The following GRID2 variants were observed in gnomAD, a reference collection of about 807,000 sequenced individuals.
GRID2 encodes the protein glutamate ionotropic receptor delta type subunit 2, also known as glutamate receptor ionotropic, delta-2.
GRID2 carries 33 observed loss-of-function variants against 114.8 expected under a neutral mutation model. That is an observed-to-expected ratio of 0.29 (90% CI 0.22 to 0.38). GRID2 has a LOEUF of 0.38. Among genes scored for constraint, GRID2 ranks in the 10% least tolerant of loss-of-function variants. GRID2 has a pLI of 1.00. For synonymous variants in GRID2, 505 were observed against 449.9 expected (o/e 1.12, Z -1.55); for missense variants, 1,184 against 1,257.7 (o/e 0.94, Z 0.89).
At chr4:92,350,082 C>G (rs1466533196) in intron 1 of GRID2, among the ~76,000 whole-genome samples, 1 of 151,904 alleles carries the variant, frequency 6.6e-6, no homozygotes, top group Non-Finnish European at 1.5e-5. Context: ...GACCGTAGGT[C>G]AGTGCTCACA....
intron 8 of GRID2, among the ~76,000 whole-genome samples, chr4:93,316,315 A>AGAAC (rs1440636644): frequency 6.2e-5 from 5 of 80,286 alleles, no homozygotes; most frequent in African/African-American, 2.0e-4. Flanking sequence ...AAAGAAAGAA[A>AGAAC]GAAAGAAAGA....
At chr4:92,825,202 G>A (rs1741601611) in intron 2 of GRID2, among the ~76,000 whole-genome samples, 2 of 152,142 alleles carry the variant, frequency 1.3e-5, no homozygotes, top group Admixed American at 6.6e-5. Flanking sequence ...GGTACAACTA[G>A]CCTAAAGAGA....
At chr4:92,663,193 T>C in intron 2 of GRID2, among the ~76,000 whole-genome samples, 1 of 150,968 alleles carries the variant, frequency 6.6e-6, no homozygotes, top group Admixed American at 6.6e-5. Context: ...TGGACAAAAA[T>C]ATGAAATGAC....
chr4:92,985,581 TTCTTCTCTCCCC>T (rs1236381395), intron 2 of GRID2, among the ~76,000 whole-genome samples: 1 of 152,130 alleles, frequency 6.6e-6, no homozygotes, highest in Non-Finnish European at 1.5e-5. Context: ...CTAGTCAACG[TTCTTCTCTCCCC>T]TCTTCTCTCC....
chr4:92,691,423 A>T (rs890456237), intron 2 of GRID2, among the ~76,000 whole-genome samples: 3 of 152,076 alleles, frequency 2.0e-5, no homozygotes, highest in Non-Finnish European at 4.4e-5. Flanking sequence ...GGGCCAGCAC[A>T]GTGGGAGACT....
Position 93,714,166 on chromosome 4 carries a change from A to G in GRID2, c.2361-55044A>G, listed in dbSNP as rs111776339. On this transcript the variant is annotated intron_variant, in intron 14 of 15. Coordinates refer to ENST00000282020, the MANE Select transcript of GRID2 (RefSeq NM_001510.4). The stretch of plus-strand genomic sequence containing the variant: ...CGTGCGTTCTCATTGTTCGGTTCCC[A>G]CATGTAAGTGAGAACATGTGGTGTT... 4.4e-3 allele frequency among the ~76,000 whole-genome samples: 666 copies of G among 151,860 alleles called. 6 individuals are homozygous for G. Among genetic ancestry groups the G allele is most frequent in the African/African-American group, 0.015 (607 of 41,396 alleles).
chr4:92,930,292 G>A (rs898798360), intron 2 of GRID2, among the ~76,000 whole-genome samples: 1 of 151,166 alleles, frequency 6.6e-6, no homozygotes, highest in African/African-American at 2.4e-5. Context: ...ATATCTGTGT[G>A]ATTAGGCATC....
intron 2 of GRID2, among the ~76,000 whole-genome samples, chr4:92,956,953 A>G (rs1373385293): frequency 6.6e-6 from 1 of 152,080 alleles, no homozygotes; most frequent in Non-Finnish European, 1.5e-5. Context: ...CCATCTGTAT[A>G]TCTTCTTTGG....
intron 2 of GRID2, among the ~76,000 whole-genome samples, chr4:92,817,117 C>T (rs1024532523): frequency 3.3e-5 from 5 of 152,110 alleles, no homozygotes; most frequent in Non-Finnish European, 7.4e-5. Flanking sequence ...TCACATCCAG[C>T]TGGCCACTAA....
chr4:93,362,311 G>C (rs1417537965), intron 8 of GRID2, among the ~76,000 whole-genome samples: 2 of 151,896 alleles, frequency 1.3e-5, no homozygotes, highest in Non-Finnish European at 2.9e-5. Flanking sequence ...TGGGTGTGTG[G>C]GGAGTTGTTG....
rs893944837 is a variant in GRID2 at position 93,203,315 on chromosome 4, A to G, written c.736-4089A>G. On this transcript the variant is annotated intron_variant, in intron 4 of 15. Coordinates refer to ENST00000282020, the MANE Select transcript of GRID2 (RefSeq NM_001510.4). The stretch of plus-strand genomic sequence containing the variant: ...ATTAACTTTCTGTGTAGAACATTAC[A>G]AAAAATTTCAAGCTTCTTTAACACA... 5.3e-5 allele frequency among the ~76,000 whole-genome samples: 8 copies of G among 152,166 alleles called. No individual in the cohort carries two copies. In the East Asian group the frequency reaches 1.3e-3, roughly 26 times the overall value.
intron 8 of GRID2, among the ~76,000 whole-genome samples, chr4:93,373,032 A>G (rs898512694): frequency 6.6e-6 from 1 of 152,120 alleles, no homozygotes; most frequent in African/African-American, 2.4e-5. Context: ...GTTCACTTTA[A>G]AAGTCTCAGT....
chr4:92,674,656 G>C (rs370649361), intron 2 of GRID2, among the ~76,000 whole-genome samples: 18 of 152,130 alleles, frequency 1.2e-4, no homozygotes, highest in African/African-American at 4.3e-4. Context: ...CAAGTAGCTG[G>C]GATTACAGGC....
intron 2 of GRID2, among the ~76,000 whole-genome samples, chr4:92,788,256 T>A (rs1739413465): frequency 6.6e-6 from 1 of 151,698 alleles, no homozygotes; most frequent in Non-Finnish European, 1.5e-5. Flanking sequence ...AAACTAAACC[T>A]CTCAGACTAA....
chr4:92,640,221 C>T (rs1457317255), intron 2 of GRID2, among the ~76,000 whole-genome samples: 3 of 151,660 alleles, frequency 2.0e-5, no homozygotes, highest in Non-Finnish European at 2.9e-5. Flanking sequence ...GAGAGAGATA[C>T]ATGAAAGAAA....
chr4:92,744,937 A>T (rs1165953519), intron 2 of GRID2, among the ~76,000 whole-genome samples: 1 of 152,154 alleles, frequency 6.6e-6, no homozygotes, highest in African/African-American at 2.4e-5. Flanking sequence ...AGCACTGTTG[A>T]GAAATCCATC....
chr4:92,899,682 GA>G (rs1184608125), intron 2 of GRID2, among the ~76,000 whole-genome samples: 2 of 152,120 alleles, frequency 1.3e-5, no homozygotes, highest in Non-Finnish European at 2.9e-5. Flanking sequence ...AAACAATGTT[GA>G]ATGCTATTGT....
At chr4:92,724,274 A>C (rs1735952627) in intron 2 of GRID2, among the ~76,000 whole-genome samples, 1 of 152,060 alleles carries the variant, frequency 6.6e-6, no homozygotes, top group Admixed American at 6.6e-5. Flanking sequence ...TTTCCATGCC[A>C]CAAATCTCTT....
intron 8 of GRID2, among the ~76,000 whole-genome samples, chr4:93,340,851 G>A (rs1759576187): frequency 6.6e-6 from 1 of 152,118 alleles, no homozygotes; most frequent in African/African-American, 2.4e-5. Flanking sequence ...AAAGAGATGG[G>A]AGTCTTAACT....
Sources: gnomAD v4.1 joint callset for allele counts (sites outside exome capture counted in the v4.1 genomes callset) on GRCh38, gnomAD v4.1.1 for gene constraint, MANE v1.5 for transcripts, NCBI Gene and HGNC (gene_info 2026-07-23, HGNC 2026-07-21) for gene names.